CCSER1: variants seen among roughly 807,000 people sequenced by gnomAD.
CCSER1 encodes serine-rich coiled-coil domain-containing protein 1.
Under a neutral mutation model 82.0 loss-of-function variants are expected in CCSER1, and 41 were observed. The observed-to-expected ratio is 0.50, with a 90% CI of 0.39 to 0.65. The LOEUF (loss-of-function observed/expected upper bound fraction) is 0.65. CCSER1 is among the 30% of genes least tolerant of loss of function. CCSER1 has a pLI of 0.00. For synonymous variants in CCSER1, 414 were observed against 383.9 expected (o/e 1.08, Z -0.92); for missense variants, 1,119 against 1,064.2 (o/e 1.05, Z -0.72).
At chr4:91,442,065 CA>C (rs1367236261) in intron 10 of CCSER1, among the ~76,000 whole-genome samples, 1 of 152,016 alleles carries the variant, frequency 6.6e-6, no homozygotes, top group Non-Finnish European at 1.5e-5. Flanking sequence ...TTTATAGATT[CA>C]ATGCCATCCC....
At chr4:90,967,992 T>C (rs193047442) in intron 9 of CCSER1, among the ~76,000 whole-genome samples, 1 of 152,176 alleles carries the variant, frequency 6.6e-6, no homozygotes, top group Non-Finnish European at 1.5e-5. Flanking sequence ...TCTTAATCCA[T>C]GATTTCTCTA....
intron 6 of CCSER1, among the ~76,000 whole-genome samples, chr4:90,634,499 T>C (rs1216068354): frequency 1.3e-5 from 2 of 151,848 alleles, no homozygotes; most frequent in Admixed American, 1.3e-4. Context: ...TGTTTTCTAC[T>C]TCATCATTTG....
intron 9 of CCSER1, among the ~76,000 whole-genome samples, chr4:90,934,166 C>T (rs986975232): frequency 2.0e-5 from 3 of 151,956 alleles, no homozygotes; most frequent in South Asian, 2.1e-4. Context: ...GATAATGGCT[C>T]ATTATCAAAT....
At chr4:90,272,523 G>A (rs983144929) in intron 1 of CCSER1, among the ~76,000 whole-genome samples, 3 of 152,020 alleles carry the variant, frequency 2.0e-5, no homozygotes, top group African/African-American at 7.2e-5. Flanking sequence ...ACTAAAAATA[G>A]AGCTACCATA....
chr4:90,256,010 G>C lies in CCSER1; in HGVS notation c.-41-52234G>C, dbSNP rs547738935. ...ATAGAACTGTGGCATTTACCTTGCA[G>C]CCTAACTCTAGAGTTCTCACTCTTA... On this transcript the variant is annotated intron_variant, in intron 1 of 10. Transcript: ENST00000509176. Among the ~76,000 whole-genome samples the C allele has an allele frequency of 2.0e-5, 3 of 152,224 alleles. No individual in the cohort carries two copies. The East Asian group carries it at 5.8e-4, about 29-fold the overall frequency.
At chr4:90,687,610 G>T (rs1485417501) in intron 6 of CCSER1, among the ~76,000 whole-genome samples, 2 of 152,034 alleles carry the variant, frequency 1.3e-5, no homozygotes, top group African/African-American at 4.8e-5. Flanking sequence ...TCCTAACCAG[G>T]AGTTTGAATT....
chr4:91,275,566 G>T (rs889924002), intron 10 of CCSER1, among the ~76,000 whole-genome samples: 1 of 151,958 alleles, frequency 6.6e-6, no homozygotes, highest in African/African-American at 2.4e-5. Flanking sequence ...TGTATATTCT[G>T]CATATTAGTT....
chr4:90,688,407 A>G (rs1413547746), intron 6 of CCSER1, among the ~76,000 whole-genome samples: 1 of 152,188 alleles, frequency 6.6e-6, no homozygotes, highest in East Asian at 1.9e-4. Context: ...AAACAATTTA[A>G]TAATATATAC....
chr4:90,147,146 G>A (rs549739720), intron 1 of CCSER1, among the ~76,000 whole-genome samples: 1 of 151,116 alleles, frequency 6.6e-6, no homozygotes, highest in Non-Finnish European at 1.5e-5. Flanking sequence ...CTTTCCATGT[G>A]TAAGACACTT....
At chr4:91,305,622 CAATTG>C (rs1744999144) in intron 10 of CCSER1, among the ~76,000 whole-genome samples, 1 of 151,416 alleles carries the variant, frequency 6.6e-6, no homozygotes, top group Non-Finnish European at 1.5e-5. Flanking sequence ...GAAAGTAGAC[CAATTG>C]AATTATTTTC....
chr4:90,569,561 C>T (rs1779860037), intron 5 of CCSER1, among the ~76,000 whole-genome samples: 1 of 152,170 alleles, frequency 6.6e-6, no homozygotes, highest in Admixed American at 6.5e-5. Context: ...CACTGTGGAC[C>T]TCTGAGATCC....
chr4:90,906,536 T>G (rs1725499990), intron 8 of CCSER1, among the ~76,000 whole-genome samples: 1 of 152,140 alleles, frequency 6.6e-6, no homozygotes. Context: ...ATAAGAATTT[T>G]TATACACATT....
chr4:90,482,368 TC>T (rs1269291999), intron 5 of CCSER1, among the ~76,000 whole-genome samples: 1 of 152,218 alleles, frequency 6.6e-6, no homozygotes, highest in Admixed American at 6.5e-5. Context: ...TGTCTCTATT[TC>T]CTTCAGTTCT....
intron 1 of CCSER1, among the ~76,000 whole-genome samples, chr4:90,266,596 G>A (rs1042192428): frequency 6.6e-6 from 1 of 152,068 alleles, no homozygotes; most frequent in Non-Finnish European, 1.5e-5. Context: ...TTGAATTGCT[G>A]ATGCCACCCC....
At chr4:90,159,093 G>C (rs908799070) in intron 1 of CCSER1, among the ~76,000 whole-genome samples, 11 of 152,078 alleles carry the variant, frequency 7.2e-5, no homozygotes, top group Admixed American at 5.9e-4. Context: ...GAGTGTAGTG[G>C]TACAATCATA....
chr4:90,198,649 A>C (rs28509205), intron 1 of CCSER1, among the ~76,000 whole-genome samples: 2,414 of 152,262 alleles, frequency 0.016, 35 homozygotes, highest in African/African-American at 0.041. Context: ...TTTTGTCTAT[A>C]GTCAGCAATA....
chr4:90,650,373 A>G (rs1050707602), intron 6 of CCSER1, among the ~76,000 whole-genome samples: 5 of 152,210 alleles, frequency 3.3e-5, no homozygotes, highest in Admixed American at 2.0e-4. Context: ...TTCAATTGCA[A>G]AGGAAGTTCT....
intron 10 of CCSER1, among the ~76,000 whole-genome samples, chr4:91,329,421 G>A (rs1281218223): frequency 6.6e-6 from 1 of 152,106 alleles, no homozygotes; most frequent in African/African-American, 2.4e-5. Context: ...CTGAGTTCAA[G>A]GGAAATGCTG....
At chr4:90,904,750 C>T (rs960943119) in intron 8 of CCSER1, among the ~76,000 whole-genome samples, 4 of 152,084 alleles carry the variant, frequency 2.6e-5, no homozygotes, top group African/African-American at 7.2e-5. Flanking sequence ...TGTTCTTAGC[C>T]CAGATACTAG....
Sources: allele counts gnomAD v4.1 joint callset (sites outside exome capture counted in the v4.1 genomes callset), GRCh38; gene constraint gnomAD v4.1.1; transcripts MANE v1.5; gene names NCBI Gene and HGNC (gene_info 2026-07-23, HGNC 2026-07-21).